DCAF8L2: variants seen among roughly 807,000 people sequenced by gnomAD.
DCAF8L2 encodes DDB1- and CUL4-associated factor 8-like protein 2.
For synonymous variants in DCAF8L2, 200 were observed against 190.9 expected, an observed-to-expected ratio of 1.05 and a Z score of -0.39; for missense variants, 430 against 490.7, an observed-to-expected ratio of 0.88 and a Z score of 1.17.
chrX:27,542,611 C>T, the DCAF8L2 span, among the ~76,000 whole-genome samples: 1 of 83,131 alleles, frequency 1.2e-5, no homozygotes, highest in Non-Finnish European at 2.2e-5. Flanking sequence ...GGCGGGATCT[C>T]GGCTCACTGC....
At chrX:27,541,343 T>TTTTA in the DCAF8L2 span, among the ~76,000 whole-genome samples, 38,786 of 93,916 alleles carry the variant, frequency 0.41, 7,777 homozygotes, top group East Asian at 0.67. Context: ...TTATTTTTTA[T>TTTTA]TTTATTTATT....
the DCAF8L2 span, among the ~76,000 whole-genome samples, chrX:27,487,567 G>A: frequency 8.9e-6 from 1 of 112,283 alleles, no homozygotes; most frequent in Non-Finnish European, 1.9e-5. Flanking sequence ...ACAGGTGTGA[G>A]CTACTGCGCC....
At chrX:27,566,996 G>A in the DCAF8L2 span, among the ~76,000 whole-genome samples, 1 of 111,416 alleles carries the variant, frequency 9.0e-6, no homozygotes, top group African/African-American at 3.3e-5. Context: ...TTGTTCAAGA[G>A]TGTGTTGTTT....
rs189415191 is a variant in DCAF8L2, at chrX:27,590,379, G to A, written c.-403G>A. On this transcript the variant is annotated 5_prime_UTR_variant, in exon 1 of 5. Coordinates refer to ENST00000451261, the MANE Select transcript of DCAF8L2 (RefSeq NM_001353450.2). ...AAAAGCTGAACATCCTCCCCACAAG[G>A]TTATTTAGAAGACGTCTTGCACTGT... is the stretch of plus-strand genomic sequence containing the variant. The A allele has an allele frequency of 1.8e-5, 2 of 111,589 alleles. No individual in the cohort carries two copies. The highest frequency in any genetic ancestry group is 3.8e-5 in the Non-Finnish European group (2 of 53,140). The allele number at this position is 111,589 out of a possible 1,213,427, so 9.2% of individuals were successfully genotyped here.
At chrX:27,631,064 T>A (rs996084746) in intron 1 of DCAF8L2, among the ~76,000 whole-genome samples, 4 of 111,833 alleles carry the variant, frequency 3.6e-5, no homozygotes, top group African/African-American at 1.3e-4. Context: ...TATTGCATCA[T>A]CCTTGGGGTT....
chrX:27,613,500 TG>T (rs1275678001), intron 1 of DCAF8L2, among the ~76,000 whole-genome samples: 1 of 110,613 alleles, frequency 9.0e-6, no homozygotes, highest in Non-Finnish European at 1.9e-5. Flanking sequence ...TGAATAGGAG[TG>T]GTGAGAGAGG....
intron 2 of DCAF8L2, among the ~76,000 whole-genome samples, chrX:27,669,179 G>A (rs899475101): frequency 3.5e-4 from 39 of 111,358 alleles, no homozygotes; most frequent in African/African-American, 1.3e-3. Flanking sequence ...CATAAAAAGT[G>A]GGTATTGTCA....
At chrX:27,742,425 C>T (rs756074265) in intron 4 of DCAF8L2, among the ~76,000 whole-genome samples, 1 of 109,608 alleles carries the variant, frequency 9.1e-6, no homozygotes, top group African/African-American at 3.3e-5. Flanking sequence ...AAAAATTAGC[C>T]AGGTGGGGTG....
chrX:27,688,008 A>G (rs779198094), intron 3 of DCAF8L2, among the ~76,000 whole-genome samples: 16 of 111,924 alleles, frequency 1.4e-4, no homozygotes, highest in Middle Eastern at 4.7e-3. Flanking sequence ...GTTGTATTAA[A>G]TGGCTAAATA....
intron 2 of DCAF8L2, among the ~76,000 whole-genome samples, chrX:27,666,643 A>G (rs1929750149): frequency 8.9e-6 from 1 of 112,339 alleles, no homozygotes; most frequent in African/African-American, 3.2e-5. Context: ...AGCAATTGAA[A>G]GATTATAATT....
At chrX:27,720,820 GTTCT>G (rs936762721) in intron 4 of DCAF8L2, among the ~76,000 whole-genome samples, 12 of 111,682 alleles carry the variant, frequency 1.1e-4, no homozygotes, top group South Asian at 3.6e-4. Context: ...TTATGTGTGT[GTTCT>G]TTAAGTTAAT....
chrX:27,746,747 C>G (rs1470647202), intron 4 of DCAF8L2, 91 bp from the exon 5 acceptor site: 4 of 495,532 alleles, frequency 8.1e-6, no homozygotes, highest in Non-Finnish European at 1.3e-5. Flanking sequence ...TTTATTTAGT[C>G]TCCTTTAGCC....
At chrX:27,483,619 T>C in the DCAF8L2 span, among the ~76,000 whole-genome samples, 1 of 111,298 alleles carries the variant, frequency 9.0e-6, no homozygotes, top group Non-Finnish European at 1.9e-5. Context: ...GGAAATGTTA[T>C]TGTGCACAGA....
At chrX:27,545,133 T>C in the DCAF8L2 span, among the ~76,000 whole-genome samples, 1 of 111,566 alleles carries the variant, frequency 9.0e-6, no homozygotes, top group Non-Finnish European at 1.9e-5. Context: ...CTTGATTCCA[T>C]GAGTAGCTAA....
chrX:27,714,494 C>T (rs906516726), intron 3 of DCAF8L2, among the ~76,000 whole-genome samples: 1 of 111,345 alleles, frequency 9.0e-6, no homozygotes, highest in Admixed American at 9.6e-5. Context: ...TTTTTAACTT[C>T]AAAAACTTTT....
At chrX:27,569,497 A>G in the DCAF8L2 span, among the ~76,000 whole-genome samples, 2 of 111,911 alleles carry the variant, frequency 1.8e-5, no homozygotes, top group African/African-American at 6.5e-5. Flanking sequence ...TTTTGTTTCT[A>G]TTCTTCATTG....
chrX:27,558,874 C>T, the DCAF8L2 span, among the ~76,000 whole-genome samples: 2 of 108,012 alleles, frequency 1.9e-5, no homozygotes, highest in African/African-American at 6.8e-5. Context: ...CTTTATTAGA[C>T]TTGCAGATTC....
chrX:27,594,458 C>T (rs1390960381), intron 1 of DCAF8L2, among the ~76,000 whole-genome samples: 1 of 110,622 alleles, frequency 9.0e-6, no homozygotes, highest in African/African-American at 3.3e-5. Context: ...TATATATATA[C>T]GTACAGACTC....
chrX:27,571,643 G>A, the DCAF8L2 span, among the ~76,000 whole-genome samples: 4 of 111,739 alleles, frequency 3.6e-5, no homozygotes, highest in African/African-American at 1.3e-4. Context: ...GCTGGTCTGT[G>A]ACTGCTTTAA....
Sources: allele counts gnomAD v4.1 joint callset (sites outside exome capture counted in the v4.1 genomes callset), GRCh38; gene constraint gnomAD v4.1.1; transcripts MANE v1.5; gene names NCBI Gene and HGNC (gene_info 2026-07-23, HGNC 2026-07-21).